Variants in NCS1 observed in about 807,000 individuals in gnomAD.
NCS1 encodes the protein frequenin homolog.
In NCS1, 6 loss-of-function variants were observed where a neutral mutation model predicts 28.4. The observed-to-expected ratio is 0.21, with a 90% CI of 0.12 to 0.42. The LOEUF (loss-of-function observed/expected upper bound fraction) is 0.42, where lower values mean the gene tolerates loss of function less well. NCS1 is among the 10% of genes least tolerant of loss of function. The pLI is 1.00. For synonymous variants in NCS1, 86 were observed against 99.3 expected (o/e 0.87, Z 0.79); for missense variants, 131 against 241.4 (o/e 0.54, Z 3.03).
At chr9:130,211,980 G>A (rs1554908834) in intron 2 of NCS1, among the ~76,000 whole-genome samples, 1 of 152,170 alleles carries the variant, frequency 6.6e-6, no homozygotes, top group Non-Finnish European at 1.5e-5. Flanking sequence ...CTGGTGCCGA[G>A]AAGGAAGCGG....
chr9:130,203,080 GTA>G (rs1832977662), intron 2 of NCS1, among the ~76,000 whole-genome samples: 1 of 130,958 alleles, frequency 7.6e-6, no homozygotes, highest in Admixed American at 7.8e-5. Flanking sequence ...GTGTGTGTGT[GTA>G]TACACATACA....
rs1354835356 is a variant in NCS1 at position 130,222,750 on chromosome 9, G to T, written c.396+12G>T. On this transcript the variant is annotated intron_variant, in intron 5 of 7. Coordinates refer to ENST00000372398, the MANE Select transcript of NCS1 (RefSeq NM_014286.4). The stretch of plus-strand genomic sequence containing the variant: ...TTTACCAGATGGTGGTGAGAAGCCG[G>T]GTCTCGTGTGGTTAGGGGTGGCAGG... The T allele has an allele frequency of 5.0e-6, 8 of 1,613,454 alleles. No individual in the cohort carries two copies. Among genetic ancestry groups the T allele is most frequent in the Non-Finnish European group, 5.9e-6 (7 of 1,179,456 alleles).
intron 1 of NCS1, among the ~76,000 whole-genome samples, chr9:130,182,796 A>G (rs191790257): frequency 1.1e-4 from 16 of 152,338 alleles, no homozygotes; most frequent in African/African-American, 3.6e-4. Context: ...TGTCACGGAC[A>G]AGGTGGTGAG....
chr9:130,194,067 T>C (rs1364488500), intron 1 of NCS1: 1 of 152,594 alleles, frequency 6.6e-6, no homozygotes. Context: ...CGGAAGAGGC[T>C]GGATTGGCTG....
At position 130,234,422 on chromosome 9, in the gene NCS1, C is replaced by T. The variant is rs1257662875; in HGVS notation, c.*1450C>T. The T allele has an allele frequency of 6.6e-6, 1 of 152,274 alleles. No individual in the cohort carries two copies. Among genetic ancestry groups the T allele is most frequent in the African/African-American group, 2.4e-5 (1 of 41,444 alleles). The allele number at this position is 152,274 out of a possible 1,614,324, so 9.4% of individuals were successfully genotyped here. A position where few individuals can be genotyped will look rare whatever the true frequency, so the allele number is the denominator to read the frequency against. ...CAGGACCATCACCAGGAATGCGAGGCCACCCTGGACCAGAGGTAGGAGCCC... is the reference window on the plus strand; with the variant it reads ...CAGGACCATCACCAGGAATGCGAGGTCACCCTGGACCAGAGGTAGGAGCCC... On this transcript the variant is annotated 3_prime_UTR_variant, in exon 8 of 8. Transcript: ENST00000372398. The surrounding 1 kb of genome is among the most constrained non-coding windows in gnomAD (Gnocchi z 6.1).
intron 1 of NCS1, among the ~76,000 whole-genome samples, chr9:130,182,250 G>A (rs1012649146): frequency 1.3e-5 from 2 of 152,172 alleles, no homozygotes. Context: ...ATGGCCAGTC[G>A]GGGTTCAGGC....
intron 2 of NCS1, among the ~76,000 whole-genome samples, chr9:130,207,826 G>C (rs556389236): frequency 1.3e-5 from 2 of 152,348 alleles, no homozygotes; most frequent in East Asian, 3.9e-4. Context: ...CTGAGCTGCT[G>C]GTGCCGTTGT....
At chr9:130,211,336 G>T (rs1278433865) in intron 2 of NCS1, among the ~76,000 whole-genome samples, 2 of 151,694 alleles carry the variant, frequency 1.3e-5, no homozygotes, top group Admixed American at 6.6e-5. Context: ...ATCCTCTGGA[G>T]CCTGGAGATG....
Position 130,226,189 on chromosome 9 carries a change from G to A in NCS1, c.475-200G>A, listed in dbSNP as rs1274476083. 6.6e-6 allele frequency among the ~76,000 whole-genome samples: 1 copy of A among 152,356 alleles called. No individual in the cohort carries two copies. The highest frequency in any genetic ancestry group is 6.5e-5 in the Admixed American group (1 of 15,302). ...ATCCCCAGGTGAAGAAACATGCCCAGAGAGGTGGGCCACGGCCCAAGGCCA... is the reference window on the plus strand; with the variant it reads ...ATCCCCAGGTGAAGAAACATGCCCAAAGAGGTGGGCCACGGCCCAAGGCCA... On this transcript the variant is annotated intron_variant, in intron 6 of 7. Transcript: ENST00000372398. This position sits in a 1 kb window ranked among gnomAD's most constrained non-coding sequence, Gnocchi z 4.8.
At chr9:130,190,065 A>AGAGAGAGAGAGAGAGAGAGAGAGAG (rs61046186) in intron 1 of NCS1, among the ~76,000 whole-genome samples, 1 of 146,540 alleles carries the variant, frequency 6.8e-6, no homozygotes, top group Non-Finnish European at 1.5e-5. Context: ...AGAGAGAGAG[A>AGAGAGAGAGAGAGAGAGAGAGAGAG]ATATATGTGG....
intron 1 of NCS1, chr9:130,200,731 G>GCC (rs1832932306): frequency 2.0e-6 from 3 of 1,466,946 alleles, no homozygotes; most frequent in Non-Finnish European, 2.8e-6. Context: ...TAGCACTTGG[G>GCC]CACCGGGAAG....
chr9:130,185,679 T>G (rs1047745311), intron 1 of NCS1, among the ~76,000 whole-genome samples: 5 of 152,088 alleles, frequency 3.3e-5, no homozygotes, highest in African/African-American at 9.7e-5. Context: ...TTTGGCACTG[T>G]GGGGGAAACA....
At chr9:130,193,445 T>G (rs2131128933) in intron 1 of NCS1, among the ~76,000 whole-genome samples, 1 of 152,120 alleles carries the variant, frequency 6.6e-6, no homozygotes, top group Admixed American at 6.5e-5. Context: ...CAGCCAGCCC[T>G]GGACAGTGGG....
intron 1 of NCS1, among the ~76,000 whole-genome samples, chr9:130,185,049 G>A (rs1160895724): frequency 6.6e-6 from 1 of 151,398 alleles, no homozygotes; most frequent in African/African-American, 2.4e-5. Flanking sequence ...CCTATTCATC[G>A]GACCCAGCCC....
intron 1 of NCS1, among the ~76,000 whole-genome samples, chr9:130,182,335 A>G (rs1832671677): frequency 6.6e-6 from 1 of 151,772 alleles, no homozygotes; most frequent in African/African-American, 2.4e-5. Flanking sequence ...GAGCCTCAAA[A>G]CCTTGGAGTT....
chr9:130,226,081 G>A lies in NCS1; in HGVS notation c.475-308G>A, dbSNP rs914309586. On this transcript the variant is annotated intron_variant, in intron 6 of 7. Coordinates refer to ENST00000372398, the MANE Select transcript of NCS1 (RefSeq NM_014286.4). This position sits in a 1 kb window ranked among gnomAD's most constrained non-coding sequence, Gnocchi z 4.8. ...GGTTTAATAGCATTAACCATGACAC[G>A]TGTGGAGTTACAGGGCACTTCCAGT... is the stretch of plus-strand genomic sequence containing the variant. Among the ~76,000 whole-genome samples, 2 of 152,192 alleles carry A rather than the reference G, an allele frequency of 1.3e-5. No homozygotes were observed. Among genetic ancestry groups the A allele is most frequent in the Non-Finnish European group, 2.9e-5 (2 of 68,042 alleles).
chr9:130,225,683 G>T (rs1833401743), intron 6 of NCS1, among the ~76,000 whole-genome samples: 1 of 152,250 alleles, frequency 6.6e-6, no homozygotes, highest in South Asian at 2.1e-4. Flanking sequence ...TCCATACACT[G>T]AGGGTTGCGC....
At chr9:130,178,158 C>T (rs1832601582) in intron 1 of NCS1, among the ~76,000 whole-genome samples, 1 of 152,206 alleles carries the variant, frequency 6.6e-6, no homozygotes, top group African/African-American at 2.4e-5. Flanking sequence ...AGCTGCTGCG[C>T]CTGGCCATGA....
At chr9:130,197,967 GAA>G (rs35362310) in intron 1 of NCS1, among the ~76,000 whole-genome samples, 2,992 of 124,580 alleles carry the variant, frequency 0.024, 55 homozygotes, top group African/African-American at 0.054. Flanking sequence ...TTTGTCTCCA[GAA>G]AAAAAAAAAA....
Sources: allele counts gnomAD v4.1 joint callset (sites outside exome capture counted in the v4.1 genomes callset), GRCh38; gene constraint gnomAD v4.1.1; non-coding constraint Gnocchi (gnomAD v3.1); transcripts MANE v1.5; gene names NCBI Gene and HGNC (gene_info 2026-07-23, HGNC 2026-07-21).